Variants in CACNA1I observed in about 807,000 individuals in gnomAD.
The protein encoded by CACNA1I is voltage-dependent T-type calcium channel subunit alpha-1I.
CACNA1I carries 74 observed loss-of-function variants against 201.6 expected under a neutral mutation model. That is an observed-to-expected ratio of 0.37 (90% CI 0.30 to 0.45). CACNA1I has a LOEUF of 0.45. Ranked by LOEUF, CACNA1I falls within the 20% of genes least tolerant of loss-of-function variation. The pLI is 1.00. For missense variants in CACNA1I, 2,346 were observed against 3,138.1 expected, an observed-to-expected ratio of 0.75 and a Z score of 6.03; for synonymous variants, 1,431 against 1,345.2, an observed-to-expected ratio of 1.06 and a Z score of -1.40.
rs1369914213 is a variant in CACNA1I, at chr22:39,648,956, G to A, written c.1568-545G>A. Among the ~76,000 whole-genome samples the A allele has an allele frequency of 1.3e-5, 2 of 151,748 alleles. No individual in the cohort carries two copies. Among genetic ancestry groups the A allele is most frequent in the African/African-American group, 4.8e-5 (2 of 41,278 alleles). On this transcript the variant is annotated intron_variant, in intron 9 of 36. Transcript: ENST00000402142. The surrounding 1 kb of genome is among the most constrained non-coding windows in gnomAD (Gnocchi z 5.4). The stretch of plus-strand genomic sequence containing the variant: ...AAGTCCCAGGGGCTTCTGGAGTGAG[G>A]GTCTGCCCTTGCCCCAGGGCTCCAT...
At chr22:39,663,896 C>T in intron 19 of CACNA1I, 55 bp downstream of exon 19, 1 of 1,603,946 alleles carries the variant, frequency 6.2e-7, no homozygotes, top group South Asian at 1.1e-5. Context: ...GACAGCTCGC[C>T]AGGGCTGAGC....
chr22:39,627,972 G>C (rs1292392725), intron 4 of CACNA1I, among the ~76,000 whole-genome samples: 1 of 152,180 alleles, frequency 6.6e-6, no homozygotes, highest in Non-Finnish European at 1.5e-5. Context: ...CATCTGGCCA[G>C]AGCATCTGGC....
chr22:39,662,558 G>A (rs1040340918), intron 17 of CACNA1I, 123 bp downstream of exon 17: 17 of 769,758 alleles, frequency 2.2e-5, no homozygotes, highest in Non-Finnish European at 3.4e-5. Context: ...CGTGGCCGGA[G>A]CGGCTAGGGC....
At chr22:39,660,152 T>G (rs764164084) in intron 14 of CACNA1I, among the ~76,000 whole-genome samples, 192 bp from the exon 15 acceptor site, 1 of 152,180 alleles carries the variant, frequency 6.6e-6, no homozygotes, top group Non-Finnish European at 1.5e-5. Flanking sequence ...TCTGAGGCTC[T>G]GGGGATACTT....
At chr22:39,657,968 C>T (rs1292749404) in intron 10 of CACNA1I, among the ~76,000 whole-genome samples, 184 bp from the exon 11 acceptor site, 5 of 152,216 alleles carry the variant, frequency 3.3e-5, no homozygotes, top group Non-Finnish European at 5.9e-5. Context: ...AGACCTCTCA[C>T]GACCCCAAGG....
intron 34 of CACNA1I, among the ~76,000 whole-genome samples, chr22:39,681,500 C>G (rs1023580684): frequency 9.9e-5 from 15 of 152,208 alleles, no homozygotes; most frequent in Non-Finnish European, 1.9e-4. Flanking sequence ...CTCTGTGCAG[C>G]AGGGATGATT....
rs898828877 is a variant in CACNA1I at position 39,677,012 on chromosome 22, C to T, written c.4855-329C>T. On this transcript the variant is annotated intron_variant, in intron 29 of 36. Coordinates refer to ENST00000402142, the MANE Select transcript of CACNA1I (RefSeq NM_021096.4). This position sits in a 1 kb window ranked among gnomAD's most constrained non-coding sequence, Gnocchi z 4.8. ...AGTGATGTCACCTCTCAGTCTGTCT[C>T]CTTCTTCTTCTGAAGAATGGGGATA... is the stretch of plus-strand genomic sequence containing the variant. Among the ~76,000 whole-genome samples the T allele has an allele frequency of 6.6e-6, 1 of 152,186 alleles. No homozygotes were observed. Among genetic ancestry groups the T allele is most frequent in the Admixed American group, 6.5e-5 (1 of 15,278 alleles).
chr22:39,612,408 T>C (rs1933410305), intron 3 of CACNA1I, among the ~76,000 whole-genome samples: 1 of 152,196 alleles, frequency 6.6e-6, no homozygotes, highest in Non-Finnish European at 1.5e-5. Flanking sequence ...TGGGGTGCTC[T>C]AACAAAATAC....
At position 39,684,620 on chromosome 22, in the gene CACNA1I, G is replaced by A. The variant is rs1426085008; in HGVS notation, c.6027+122G>A. ...CCAACCAAAGGCCGAGGGCACCACC[G>A]TGCAAGGGGGTTTGGGAACGCTGGG... On this transcript the variant is annotated intron_variant, in intron 36 of 36. Coordinates refer to ENST00000402142, the MANE Select transcript of CACNA1I (RefSeq NM_021096.4). The surrounding 1 kb of genome is among the most constrained non-coding windows in gnomAD (Gnocchi z 4.6). The A allele has an allele frequency of 1.2e-5, 13 of 1,053,076 alleles. No homozygotes were observed. The highest frequency in any genetic ancestry group is 3.2e-5 in the African/African-American group (2 of 63,340). 65.2% of individuals were successfully genotyped at this position (1,053,076 alleles called of 1,614,324 possible).
chr22:39,619,399 G>T lies in CACNA1I; in HGVS notation c.572G>T (p.Arg191Leu). The T allele has an allele frequency of 1.2e-6, 2 of 1,606,968 alleles. No individual in the cohort carries two copies. ...RVLRPLKAIN[R>L]VPSMRILVNL... ...CTGAGGCCCCTCAAAGCCATCAACCGCGTGCCCAGTGAGTCAGCCCCGCCC... is the reference window on the plus strand; with the variant it reads ...CTGAGGCCCCTCAAAGCCATCAACCTCGTGCCCAGTGAGTCAGCCCCGCCC... Residue 191 changes from arginine (R) to leucine (L), a missense_variant, in exon 4 of 37, where the codon CGC becomes CTC. This residue lies in a region of CACNA1I where 227 missense variants were observed against 412.5 expected (regional missense o/e 0.55). Transcript: ENST00000402142.
At chr22:39,604,172 T>C (rs1452832115) in intron 3 of CACNA1I, among the ~76,000 whole-genome samples, 1 of 152,226 alleles carries the variant, frequency 6.6e-6, no homozygotes, top group Non-Finnish European at 1.5e-5. Flanking sequence ...CTGACTCCCA[T>C]GGGCACCCCC....
intron 5 of CACNA1I, among the ~76,000 whole-genome samples, chr22:39,639,604 A>G (rs114761898): frequency 0.01 from 1,598 of 152,282 alleles, 34 homozygotes; most frequent in African/African-American, 0.037. Flanking sequence ...GAGATGATTT[A>G]TATGTCTATT....
In CACNA1I at chr22:39,598,508, G is replaced by A. The variant is rs1024060828; in HGVS notation, c.348+246G>A. On this transcript the variant is annotated intron_variant, in intron 2 of 36. Coordinates refer to ENST00000402142, the MANE Select transcript of CACNA1I (RefSeq NM_021096.4). ...ACCTGGTCTTACCTATTACCCTTCGGATCCTCTCTTCCCTTTATCTCTCCT... is the reference window on the plus strand; with the variant it reads ...ACCTGGTCTTACCTATTACCCTTCGAATCCTCTCTTCCCTTTATCTCTCCT... Among the ~76,000 whole-genome samples, 20 of 151,722 alleles carry A rather than the reference G, an allele frequency of 1.3e-4. 1 individual carries two copies. The highest frequency in any genetic ancestry group is 2.4e-4 in the Non-Finnish European group (16 of 67,958).
rs1029539577 is a variant in CACNA1I, at chr22:39,687,998, C to G, written c.*1593C>G. 6 of 152,174 alleles carry G rather than the reference C, an allele frequency of 3.9e-5. No homozygotes were observed. Among genetic ancestry groups the G allele is most frequent in the African/African-American group, 1.4e-4 (6 of 41,414 alleles). The allele number at this position is 152,174 out of a possible 1,614,324, so 9.4% of individuals were successfully genotyped here. A position where few individuals can be genotyped will look rare whatever the true frequency, so the allele number is the denominator to read the frequency against. On this transcript the variant is annotated 3_prime_UTR_variant, in exon 37 of 37. Transcript: ENST00000402142. Reference sequence around the variant, plus strand: ...CTCCGAGGGCTTCAGGGGGGCCTGCCAAGGGGGGGCCTTGTTCTTGTTCCC... The same window carrying G: ...CTCCGAGGGCTTCAGGGGGGCCTGCGAAGGGGGGGCCTTGTTCTTGTTCCC...
chr22:39,618,233 A>AT (rs1569064324), intron 3 of CACNA1I, among the ~76,000 whole-genome samples: 2 of 64,090 alleles, frequency 3.1e-5, no homozygotes, highest in Non-Finnish European at 5.1e-5. Flanking sequence ...GACTGTGTGC[A>AT]GGTGTGTGGT....
chr22:39,627,845 C>T (rs1317255880), intron 4 of CACNA1I, among the ~76,000 whole-genome samples: 1 of 151,990 alleles, frequency 6.6e-6, no homozygotes, highest in Non-Finnish European at 1.5e-5. Flanking sequence ...CCTGACAGCC[C>T]CCATGGGGAA....
At chr22:39,580,838 AATGGATACCG>A (rs1324603081) in intron 1 of CACNA1I, among the ~76,000 whole-genome samples, 1 of 152,216 alleles carries the variant, frequency 6.6e-6, no homozygotes, top group Non-Finnish European at 1.5e-5. Context: ...AGGCCCCTAC[AATGGATACCG>A]ATGGATGGAT....
At chr22:39,642,657 C>T (rs1934379099) in intron 6 of CACNA1I, 140 bp from the exon 7 acceptor site, 4 of 641,702 alleles carry the variant, frequency 6.2e-6, no homozygotes, top group Non-Finnish European at 1.1e-5. Flanking sequence ...TGTGCCTTGT[C>T]CAGCCCCTGT....
intron 4 of CACNA1I, among the ~76,000 whole-genome samples, chr22:39,632,418 G>A (rs1934091240): frequency 1.3e-5 from 2 of 152,192 alleles, no homozygotes; most frequent in South Asian, 4.1e-4. Context: ...CCGCCTTCAG[G>A]AATAGTGCCT....
Sources: gnomAD v4.1 joint callset for allele counts (sites outside exome capture counted in the v4.1 genomes callset) on GRCh38, gnomAD v4.1.1 for gene constraint, gnomAD v4.1.1 regional missense constraint, Gnocchi (gnomAD v3.1) non-coding constraint, MANE v1.5 for transcripts, NCBI Gene and HGNC (gene_info 2026-07-23, HGNC 2026-07-21) for gene names.